SLC49A3: variants seen among roughly 807,000 people sequenced by gnomAD.
The protein encoded by SLC49A3 is solute carrier family 49 member 3.
A neutral mutation model predicts 43.8 loss-of-function variants in SLC49A3; 50 were observed. The observed-to-expected ratio is 1.14, with a 90% CI of 0.91 to 1.45. The LOEUF is 1.45. Among genes scored for constraint, SLC49A3 ranks in the 40% most tolerant of loss-of-function variants. The probability of loss-of-function intolerance (pLI) is 0.00; values close to 1 mark genes in which losing one functional copy is unlikely to be tolerated. For synonymous variants in SLC49A3, 413 were observed against 352.0 expected, an observed-to-expected ratio of 1.17 and a Z score of -1.94; for missense variants, 906 against 774.1, an observed-to-expected ratio of 1.17 and a Z score of -2.02.
chr4:683,731 T>C lies in SLC49A3; in HGVS notation c.871A>G (p.Ile291Val), dbSNP rs1292480567. The change falls in exon 7 of 10, where the codon ATC becomes GTC. Residue 291 changes from isoleucine (I) to valine (V), a missense_variant. Transcript: ENST00000322224. ...AGTGCCCCCAGGATCCCAAACGTGA[T>C]GAAGAGAGCGCCACAGAGGCCGGAA... ...GFSGLCGALF[I>V]TFGILGALAL... 3 of 1,583,384 alleles carry C rather than the reference T, an allele frequency of 1.9e-6. No homozygotes were observed. The highest frequency in any genetic ancestry group is 1.8e-5 in the Admixed American group (1 of 54,990).
rs141317789 is a variant in SLC49A3 at position 681,921 on chromosome 4, T to C, written c.*37A>G. 11,739 of 1,321,088 alleles carry C rather than the reference T, an allele frequency of 8.9e-3. 69 individuals are homozygous for C. The highest frequency in any genetic ancestry group is 0.017 in the South Asian group (622 of 37,038). 81.8% of individuals were successfully genotyped at this position (1,321,088 alleles called of 1,614,324 possible). A position where few individuals can be genotyped will look rare whatever the true frequency, so the allele number is the denominator to read the frequency against. Reference sequence around the variant, plus strand: ...GACCAGATGTTCCAGTTCGCCTCCATCGATGTGGCGGGCAACCTGGACTAC... The same window carrying C: ...GACCAGATGTTCCAGTTCGCCTCCACCGATGTGGCGGGCAACCTGGACTAC... On this transcript the variant is annotated 3_prime_UTR_variant, in exon 10 of 10. Transcript: ENST00000322224.
intron 1 of SLC49A3, among the ~76,000 whole-genome samples, chr4:688,580 C>T (rs540601375): frequency 2.0e-5 from 3 of 152,322 alleles, no homozygotes; most frequent in African/African-American, 4.8e-5. Flanking sequence ...GCCCAGGAGC[C>T]GCCCCTCACT....
chr4:689,085 G>C lies in SLC49A3; in HGVS notation c.43C>G (p.Arg15Gly), dbSNP rs753762979. The change falls in exon 1 of 10, where the codon CGG becomes GGG. Residue 15 changes from arginine to glycine, a missense_variant. By Grantham distance (125) the Arg-to-Gly change is moderately radical. Coordinates refer to ENST00000322224, the MANE Select transcript of SLC49A3 (RefSeq NM_032219.4). Reference sequence around the variant, plus strand: ...TGGCCCCGCTGCGCGCACAGGGCCCGGGGCTCGGCCAACCCCGTCTCGGCC... The same window carrying C: ...TGGCCCCGCTGCGCGCACAGGGCCCCGGGCTCGGCCAACCCCGTCTCGGCC... ...TEAETGLAEPRALCAQRGHRT... is the reference protein window; with the variant it reads ...TEAETGLAEPGALCAQRGHRT... The C allele has an allele frequency of 2.6e-6, 4 of 1,538,356 alleles. No individual in the cohort carries two copies. The highest frequency in any genetic ancestry group is 8.7e-7 in the Non-Finnish European group (1 of 1,150,310).
At chr4:689,227 G>A, upstream of SLC49A3, 1 of 800,352 alleles carries the variant, frequency 1.2e-6, no homozygotes, top group Non-Finnish European at 1.7e-6. Flanking sequence ...AGGTGGGGCC[G>A]GGCCGGGCCG....
chr4:678,685 G>A (rs1417645910), downstream of SLC49A3: 16 of 1,610,976 alleles, frequency 9.9e-6, no homozygotes, highest in East Asian at 4.5e-5. Context: ...GAAGAAGGAA[G>A]GGGGTGCCCT....
chr4:677,618 C>T (rs1738978600), downstream of SLC49A3, among the ~76,000 whole-genome samples: 1 of 152,238 alleles, frequency 6.6e-6, no homozygotes, highest in East Asian at 1.9e-4. Context: ...CAGTCACCCA[C>T]AGCAGCGTTG....
At chr4:680,043 G>C (rs773888237), downstream of SLC49A3, 12 of 1,536,912 alleles carry the variant, frequency 7.8e-6, no homozygotes, top group South Asian at 1.4e-4. Flanking sequence ...GGCAGGCCTG[G>C]CCCTCCTAGC....
downstream of SLC49A3, chr4:678,852 G>A (rs1560153113): frequency 1.6e-5 from 26 of 1,607,242 alleles, no homozygotes; most frequent in Admixed American, 6.8e-5. Context: ...AGGGCCAGCA[G>A]GAGTGGAAGC....
chr4:680,766 A>G (rs1301420053), downstream of SLC49A3: 9 of 687,754 alleles, frequency 1.3e-5, no homozygotes, highest in Non-Finnish European at 2.2e-5. Context: ...CCCTGCTCAC[A>G]CAGGGACCAG....
downstream of SLC49A3, chr4:678,553 G>A: frequency 6.7e-7 from 1 of 1,487,804 alleles, no homozygotes; most frequent in African/African-American, 1.4e-5. Flanking sequence ...AGCCCGAAGG[G>A]CTGAGGTCCA....
downstream of SLC49A3, chr4:680,677 C>T: frequency 1.5e-6 from 2 of 1,314,396 alleles, no homozygotes; most frequent in South Asian, 1.2e-5. Context: ...CCACCAGATG[C>T]CACGCCCACC....
At position 681,860 on chromosome 4, in the gene SLC49A3, G is replaced by T. The variant is rs1577343158; in HGVS notation, c.*98C>A. 1 of 1,306,978 alleles carries T rather than the reference G, an allele frequency of 7.7e-7. No homozygotes were observed. Among genetic ancestry groups the T allele is most frequent in the South Asian group, 3.1e-5 (1 of 32,380 alleles). 81.0% of individuals were successfully genotyped at this position (1,306,978 alleles called of 1,614,324 possible). ...TGCGCGCTTGTAATTCGCTCCCGGA[G>T]CCCGCAAGGAGCCCTTTCGCCCCCG... On this transcript the variant is annotated 3_prime_UTR_variant, in exon 10 of 10. Coordinates refer to ENST00000322224, the MANE Select transcript of SLC49A3 (RefSeq NM_032219.4).
downstream of SLC49A3, chr4:679,111 C>G (rs1332428627): frequency 2.2e-6 from 3 of 1,394,068 alleles, no homozygotes; most frequent in Non-Finnish European, 3.0e-6. Flanking sequence ...ACGCCGCGGC[C>G]CCTCCTCGAA....
At chr4:686,715 C>G in intron 1 of SLC49A3, 25 bp from the exon 2 acceptor site, 10 of 1,605,236 alleles carry the variant, frequency 6.2e-6, no homozygotes, top group Non-Finnish European at 8.5e-6. Context: ...CGGGAGTCAG[C>G]GCAGGGCCAC....
intron 2 of SLC49A3, 99 bp from the exon 3 acceptor site, chr4:686,401 C>T (rs1287824608): frequency 7.6e-6 from 12 of 1,569,784 alleles, no homozygotes; most frequent in South Asian, 3.6e-5. Context: ...GCCGCCACCT[C>T]GACGGCTCTG....
Position 689,126 on chromosome 4 carries a change from ATCG to A in SLC49A3, c.-2_1del. 2 of 1,383,906 alleles carry A rather than the reference ATCG, an allele frequency of 1.4e-6. No homozygotes were observed. Among genetic ancestry groups the A allele is most frequent in the Non-Finnish European group, 1.9e-6 (2 of 1,076,212 alleles). 85.7% of individuals were successfully genotyped at this position (1,383,906 alleles called of 1,614,324 possible). A position where few individuals can be genotyped will look rare whatever the true frequency, so the allele number is the denominator to read the frequency against. The stretch of plus-strand genomic sequence containing the variant: ...CGTCTCGGCCTCCGTCGGCCCCGCC[ATCG>A]TCGGCGGCCTCCACGGGTCTCCGCC... On this transcript the variant is annotated start_lost and start_retained_variant and 5_prime_UTR_variant, in exon 1 of 10. Coordinates refer to ENST00000322224, the MANE Select transcript of SLC49A3 (RefSeq NM_032219.4).
rs1173686009 is a variant in SLC49A3 at position 685,380 on chromosome 4, C to T, written c.585+455G>A. On this transcript the variant is annotated intron_variant, in intron 4 of 9. Coordinates refer to ENST00000322224, the MANE Select transcript of SLC49A3 (RefSeq NM_032219.4). This position sits in a 1 kb window ranked among gnomAD's most constrained non-coding sequence, Gnocchi z 4.3. ...ACACGCACCGCACACACCACACACA[C>T]TCAATACACACAGGCAGGCATAGAA... 6.6e-6 allele frequency among the ~76,000 whole-genome samples: 1 copy of T among 151,878 alleles called. No individual in the cohort carries two copies. Among genetic ancestry groups the T allele is most frequent in the Admixed American group, 6.6e-5 (1 of 15,234 alleles).
chr4:678,016 C>T (rs1739018647), downstream of SLC49A3: 3 of 1,612,398 alleles, frequency 1.9e-6, no homozygotes, highest in South Asian at 1.1e-5. Context: ...TCAAAGCAGG[C>T]AGAAGCAGGC....
downstream of SLC49A3, chr4:680,796 T>TG: frequency 6.2e-6 from 4 of 642,548 alleles, no homozygotes; most frequent in Non-Finnish European, 1.1e-5. Flanking sequence ...CCGGTGGGGG[T>TG]GGGGCGGCTT....
Sources: allele counts gnomAD v4.1 joint callset (sites outside exome capture counted in the v4.1 genomes callset), GRCh38; gene constraint gnomAD v4.1.1; non-coding constraint Gnocchi (gnomAD v3.1); transcripts MANE v1.5; gene names NCBI Gene and HGNC (gene_info 2026-07-23, HGNC 2026-07-21).